Variants in RB1 observed in about 807,000 individuals in gnomAD.
RB1 encodes retinoblastoma-associated protein.
In RB1, 18 loss-of-function variants were observed where a neutral mutation model predicts 135.4. The ratio of observed to expected loss-of-function variants is 0.13; its 90% CI spans 0.09 to 0.20. The LOEUF (loss-of-function observed/expected upper bound fraction) is 0.20. Among genes scored for constraint, RB1 ranks in the 10% least tolerant of loss-of-function variants. RB1 has a pLI of 1.00. For missense variants in RB1, 868 were observed against 1,110.0 expected, an observed-to-expected ratio of 0.78 and a Z score of 3.10; for synonymous variants, 365 against 373.2, an observed-to-expected ratio of 0.98 and a Z score of 0.25.
intron 12 of RB1, among the ~76,000 whole-genome samples, chr13:48,374,157 T>C (rs1290774903): frequency 6.6e-6 from 1 of 152,168 alleles, no homozygotes; most frequent in East Asian, 1.9e-4. Flanking sequence ...TTACAATTCT[T>C]ACCTGGCCCT....
At chr13:48,318,907 GGAGCTACTGTCGCCGTCA>G (rs1441997477) in intron 2 of RB1, 5 of 1,164,246 alleles carry the variant, frequency 4.3e-6, no homozygotes, top group Non-Finnish European at 6.4e-6. Flanking sequence ...CGCTGTCCAC[GGAGCTACTGTCGCCGTCA>G]GAGCGGGAAG....
At chr13:48,458,738 A>G (rs999024311) in intron 19 of RB1, among the ~76,000 whole-genome samples, 3 of 152,238 alleles carry the variant, frequency 2.0e-5, no homozygotes, top group Non-Finnish European at 4.4e-5. Context: ...GAGATATATA[A>G]AAGGTCTTTA....
intron 19 of RB1, among the ~76,000 whole-genome samples, chr13:48,458,946 T>G (rs533311352): frequency 6.6e-6 from 1 of 152,314 alleles, no homozygotes; most frequent in South Asian, 2.1e-4. Context: ...TGGTTTAATT[T>G]TTTTAGGATT....
At chr13:48,360,332 G>A in intron 7 of RB1, 4 of 1,136,572 alleles carry the variant, frequency 3.5e-6, no homozygotes, top group Admixed American at 3.4e-5. Context: ...AAGTGGTTTG[G>A]GTCAAAATAC....
chr13:48,409,875 G>A (rs944674890), intron 17 of RB1, among the ~76,000 whole-genome samples: 6 of 151,844 alleles, frequency 4.0e-5, no homozygotes, highest in East Asian at 1.9e-4. Context: ...CACCGTGCCC[G>A]GCCTGAATTT....
chr13:48,407,986 A>G (rs1181978136), intron 17 of RB1, among the ~76,000 whole-genome samples: 1 of 152,150 alleles, frequency 6.6e-6, no homozygotes, highest in Non-Finnish European at 1.5e-5. Flanking sequence ...TACTTGGTTC[A>G]TCAGGTGTCC....
At chr13:48,403,381 C>T (rs1948710804) in intron 17 of RB1, among the ~76,000 whole-genome samples, 1 of 152,104 alleles carries the variant, frequency 6.6e-6, no homozygotes, top group Non-Finnish European at 1.5e-5. Context: ...CCCAGCAGTA[C>T]TCAGACTGTG....
chr13:48,316,935 G>A (rs1952189398), intron 2 of RB1: 1 of 363,556 alleles, frequency 2.8e-6, no homozygotes, highest in Non-Finnish European at 5.4e-6. Flanking sequence ...ACTAACCAAG[G>A]CGTGCCCGCC....
intron 1 of RB1, among the ~76,000 whole-genome samples, chr13:48,307,038 A>G (rs1240234717): frequency 6.6e-6 from 1 of 152,172 alleles, no homozygotes; most frequent in Non-Finnish European, 1.5e-5. Context: ...AGTATATTTG[A>G]CTTACCATGC....
At chr13:48,408,159 G>T (rs1248050330) in intron 17 of RB1, among the ~76,000 whole-genome samples, 3 of 151,816 alleles carry the variant, frequency 2.0e-5, no homozygotes, top group Non-Finnish European at 1.5e-5. Context: ...CTATAATTAA[G>T]ATTTCTATTT....
intron 16 of RB1, 87 bp from the exon 17 acceptor site, chr13:48,381,160 T>C: frequency 2.7e-6 from 4 of 1,490,376 alleles, no homozygotes; most frequent in Non-Finnish European, 3.6e-6. Flanking sequence ...TTTCTACTGT[T>C]TTCTTTGTCT....
rs141387539 is a variant in RB1 at position 48,394,752 on chromosome 13, G to A, written c.1695+13309G>A. On this transcript the variant is annotated intron_variant, in intron 17 of 26. Transcript: ENST00000267163. Reference sequence around the variant, plus strand: ...AGAAAGGCAGCAGCCCCAGTCAGGGGCCTATAGATAAAACTCCCATCTACC... The same window carrying A: ...AGAAAGGCAGCAGCCCCAGTCAGGGACCTATAGATAAAACTCCCATCTACC... Among the ~76,000 whole-genome samples, 584 of 152,326 alleles carry A rather than the reference G, an allele frequency of 3.8e-3. 3 individuals are homozygous for A. Among genetic ancestry groups the A allele is most frequent in the Non-Finnish European group, 7.1e-3 (484 of 68,032 alleles).
At chr13:48,471,583 A>AAAAAG (rs1479830114) in intron 23 of RB1, among the ~76,000 whole-genome samples, 17 of 150,386 alleles carry the variant, frequency 1.1e-4, no homozygotes, top group East Asian at 3.9e-4. Context: ...TAAAAAAAAA[A>AAAAAG]AAAAGAAAAT....
In RB1 at chr13:48,465,019, AAAG is replaced by A. The variant is rs1202128977; in HGVS notation, c.2238_2240del (p.Glu748del). On this transcript the variant is annotated inframe_deletion, in exon 22 of 27. Coordinates refer to ENST00000267163, the MANE Select transcript of RB1 (RefSeq NM_000321.3). ...TCAGACATTCAAACGTGTTTTGATC[AAAG>A]AAGAGGAGTATGATTCTATTATAGT... 2 of 1,597,466 alleles carry A rather than the reference AAAG, an allele frequency of 1.3e-6. No homozygotes were observed. Among genetic ancestry groups the A allele is most frequent in the Admixed American group, 1.7e-5 (1 of 57,582 alleles).
chr13:48,443,092 T>TATAAAATTATGTCATTGA, intron 17 of RB1, among the ~76,000 whole-genome samples: 1 of 152,124 alleles, frequency 6.6e-6, no homozygotes, highest in Non-Finnish European at 1.5e-5. Flanking sequence ...TGTTCATGTG[T>TATAAAATTATGTCATTGA]ATAAAATTAT....
At chr13:48,367,247 G>T (rs563063328) in intron 9 of RB1, among the ~76,000 whole-genome samples, 2 of 149,322 alleles carry the variant, frequency 1.3e-5, no homozygotes, top group East Asian at 4.0e-4. Context: ...GGCTATCTTT[G>T]TCTACATAAA....
In RB1 at chr13:48,307,266, T is replaced by G. The variant is rs1248877918; in HGVS notation, c.138-14T>G. On this transcript the variant is annotated splice_polypyrimidine_tract_variant and intron_variant, in intron 1 of 26. Coordinates refer to ENST00000267163, the MANE Select transcript of RB1 (RefSeq NM_000321.3). Reference sequence around the variant, plus strand: ...TAAGTATATGCCAATTATATGATTATTTTCATTTGGTAGGCTTGAGTTTGA... The same window carrying G: ...TAAGTATATGCCAATTATATGATTAGTTTCATTTGGTAGGCTTGAGTTTGA... 6.3e-7 allele frequency: 1 copy of G among 1,596,910 alleles called. No individual in the cohort carries two copies. The highest frequency in any genetic ancestry group is 8.6e-7 in the Non-Finnish European group (1 of 1,164,676).
chr13:48,416,379 C>T (rs746660412), intron 17 of RB1: 3 of 152,260 alleles, frequency 2.0e-5, no homozygotes, highest in Non-Finnish European at 4.4e-5. Context: ...GAATGTGCCA[C>T]GAGGAACGAT....
intron 17 of RB1, among the ~76,000 whole-genome samples, chr13:48,424,780 T>C (rs1270312673): frequency 1.3e-5 from 2 of 152,140 alleles, no homozygotes; most frequent in Admixed American, 6.6e-5. Flanking sequence ...AGGCCATGTG[T>C]GGTGGCTCAT....
Sources: gnomAD v4.1 joint callset for allele counts (sites outside exome capture counted in the v4.1 genomes callset) on GRCh38, gnomAD v4.1.1 for gene constraint, MANE v1.5 for transcripts, NCBI Gene and HGNC (gene_info 2026-07-23, HGNC 2026-07-21) for gene names.